Variants in CCP110 observed in about 807,000 individuals in gnomAD.
The protein encoded by CCP110 is centriolar coiled-coil protein 110, also known as centriolar coiled-coil protein of 110 kDa.
In CCP110, 43 loss-of-function variants were observed where a neutral mutation model predicts 105.5. The observed-to-expected ratio is 0.41, with a 90% CI of 0.32 to 0.53. The LOEUF (loss-of-function observed/expected upper bound fraction) is 0.53. CCP110 is among the 20% of genes least tolerant of loss of function. CCP110 has a pLI of 0.32. For synonymous variants in CCP110, 353 were observed against 392.1 expected, an observed-to-expected ratio of 0.90 and a Z score of 1.18; for missense variants, 1,016 against 1,189.1, an observed-to-expected ratio of 0.85 and a Z score of 2.14.
At chr16:19,551,204 G>T in exon 15 of CCP110, 1 of 1,609,398 alleles carries the variant, frequency 6.2e-7, no homozygotes, top group Non-Finnish European at 8.5e-7. Flanking sequence ...AGGAGTATAT[G>T]CAGGAAAAAT....
At chr16:19,536,441 G>C (rs1202674805) in exon 4 of CCP110, 2 of 1,613,684 alleles carry the variant, frequency 1.2e-6, no homozygotes, top group Non-Finnish European at 1.7e-6. Context: ...AATTGTTAAT[G>C]AGAGTCATTT....
In CCP110 at chr16:19,524,023, A is replaced by C. The variant is rs1969576603; in HGVS notation, c.-81A>C. 6.5e-6 allele frequency: 1 copy of C among 153,684 alleles called. No individual in the cohort carries two copies. Among genetic ancestry groups the C allele is most frequent in the Non-Finnish European group, 1.4e-5 (1 of 69,212 alleles). The allele number at this position is 153,684 out of a possible 1,614,324, so 9.5% of individuals were successfully genotyped here. A position where few individuals can be genotyped will look rare whatever the true frequency, so the allele number is the denominator to read the frequency against. Reference sequence around the variant, plus strand: ...AGCTGCGCTCTGTCAGTACCATTTGAGCCATTCGCTTCCTGACAAGGCCCG... The same window carrying C: ...AGCTGCGCTCTGTCAGTACCATTTGCGCCATTCGCTTCCTGACAAGGCCCG... On this transcript the variant is annotated 5_prime_UTR_variant, in exon 1 of 15. The change abolishes the stop of an existing upstream ORF in the 5' untranslated region. Coordinates refer to ENST00000381396, the Ensembl canonical transcript of CCP110.
chr16:19,532,036 A>G (rs1360386574), intron 2 of CCP110, among the ~76,000 whole-genome samples: 1 of 152,030 alleles, frequency 6.6e-6, no homozygotes, highest in Admixed American at 6.5e-5. Context: ...GTAATAAAAA[A>G]CTCAGCAGTG....
intron 2 of CCP110, among the ~76,000 whole-genome samples, 191 bp from the exon 3 acceptor site, chr16:19,532,225 C>T (rs1471641273): frequency 1.3e-5 from 2 of 152,284 alleles, no homozygotes; most frequent in Middle Eastern, 3.4e-3. Context: ...CACACCCACA[C>T]AGGATTTTCT....
exon 4 of CCP110, chr16:19,536,631 C>T (rs758917792): frequency 2.5e-5 from 41 of 1,614,142 alleles, no homozygotes; most frequent in Admixed American, 1.2e-4. Flanking sequence ...GCTAGCTTTT[C>T]GAAAGTGGAC....
At chr16:19,549,298 C>T (rs556114536) in intron 14 of CCP110, among the ~76,000 whole-genome samples, 1 of 152,294 alleles carries the variant, frequency 6.6e-6, no homozygotes, top group African/African-American at 2.4e-5. Context: ...TGTGCTTTAA[C>T]TATACTGCTT....
intron 2 of CCP110, among the ~76,000 whole-genome samples, chr16:19,530,993 A>G (rs894989419): frequency 1.3e-5 from 2 of 152,174 alleles, no homozygotes; most frequent in African/African-American, 4.8e-5. Context: ...CAGAAGTTAC[A>G]TAATGTTTAG....
rs1029420493 is a variant in CCP110, at chr16:19,528,047, GT to G, written c.141+32del. ...GGTAAACTTGCTTTGTTTTTAAATAGTTTTTTTCTGTAGTGAACAACTAAAA... is the reference window on the plus strand; with the variant it reads ...GGTAAACTTGCTTTGTTTTTAAATAGTTTTTTCTGTAGTGAACAACTAAAA... On this transcript the variant is annotated intron_variant, in intron 2 of 14. Coordinates refer to ENST00000381396, the Ensembl canonical transcript of CCP110. The G allele has an allele frequency of 5.0e-6, 8 of 1,586,962 alleles. No homozygotes were observed. The African/African-American group carries it at 8.2e-5, about 16-fold the overall frequency.
intron 12 of CCP110, chr16:19,546,713 G>T (rs1970472869): frequency 3.4e-6 from 1 of 298,172 alleles, no homozygotes; most frequent in African/African-American, 2.2e-5. Context: ...TACTCAAGAG[G>T]CTGAGGCAGG....
chr16:19,524,661 A>G (rs1273816465), intron 1 of CCP110: 1 of 152,156 alleles, frequency 6.6e-6, no homozygotes, highest in Non-Finnish European at 1.5e-5. Context: ...TCTGGTTACG[A>G]TCCAAGCTCC....
chr16:19,529,134 C>A (rs1205623505), intron 2 of CCP110, among the ~76,000 whole-genome samples: 1 of 152,110 alleles, frequency 6.6e-6, no homozygotes, highest in African/African-American at 2.4e-5. Flanking sequence ...AGAATACCAC[C>A]TGGATCATAA....
At chr16:19,551,431 TTAA>T (rs1970638740) in exon 15 of CCP110, 2 of 635,708 alleles carry the variant, frequency 3.1e-6, no homozygotes, top group Non-Finnish European at 5.7e-6. Flanking sequence ...TATTTTCCTC[TTAA>T]TAATACGTTT....
At chr16:19,535,861 A>T (rs1970032697) in intron 3 of CCP110, 79 bp from the exon 4 acceptor site, 2 of 1,018,730 alleles carry the variant, frequency 2.0e-6, no homozygotes, top group African/African-American at 1.7e-5. Context: ...TTTCAATTTC[A>T]ATTTTATTTT....
chr16:19,525,961 G>A lies in CCP110; in HGVS notation c.-16+1873G>A, dbSNP rs370639395. ...ATCAGGGATGCCTTCTCTGAGGAGG[G>A]GATATCCAAGCCGAGACTGAAGAAT... is the stretch of plus-strand genomic sequence containing the variant. On this transcript the variant is annotated intron_variant, in intron 1 of 14. Coordinates refer to ENST00000381396, the Ensembl canonical transcript of CCP110. 463 of 152,684 alleles carry A rather than the reference G, an allele frequency of 3.0e-3. 3 individuals are homozygous for A. The highest frequency in any genetic ancestry group is 0.011 in the African/African-American group (437 of 41,530). 9.5% of individuals were successfully genotyped at this position (152,684 alleles called of 1,614,324 possible). A position where few individuals can be genotyped will look rare whatever the true frequency, so the allele number is the denominator to read the frequency against.
chr16:19,550,851 G>A (rs1489699870), intron 14 of CCP110, among the ~76,000 whole-genome samples: 1 of 152,118 alleles, frequency 6.6e-6, no homozygotes, highest in Non-Finnish European at 1.5e-5. Flanking sequence ...TTGATGTTTT[G>A]TGCTTGACTA....
At chr16:19,536,072 A>C (rs1317258550) in exon 4 of CCP110, 2 of 1,614,088 alleles carry the variant, frequency 1.2e-6, no homozygotes, top group East Asian at 4.5e-5. Context: ...GGAACACTCT[A>C]CTGCAGCAAA....
intron 1 of CCP110, among the ~76,000 whole-genome samples, 196 bp from the exon 2 acceptor site, chr16:19,527,666 ATAAAG>A (rs1162212831): frequency 3.3e-5 from 5 of 152,204 alleles, no homozygotes; most frequent in Non-Finnish European, 7.3e-5. Flanking sequence ...TATTTAATAT[ATAAAG>A]TAAATCTTAA....
exon 4 of CCP110, chr16:19,536,589 C>A: frequency 5.0e-6 from 8 of 1,614,170 alleles, no homozygotes; most frequent in Non-Finnish European, 6.8e-6. Context: ...GGTGCTTCCA[C>A]TCAAGCAAGC....
At chr16:19,544,680 C>G in intron 8 of CCP110, 117 bp from the exon 9 acceptor site, 1 of 647,520 alleles carries the variant, frequency 1.5e-6, no homozygotes, top group Admixed American at 2.7e-5. Context: ...ACCAGTCCCC[C>G]ACAGATACTG....
Sources: gnomAD v4.1 joint callset for allele counts (sites outside exome capture counted in the v4.1 genomes callset) on GRCh38, gnomAD v4.1.1 for gene constraint, MANE v1.5 for transcripts, NCBI Gene and HGNC (gene_info 2026-07-23, HGNC 2026-07-21) for gene names.